Variants in CEP70 observed in about 807,000 individuals in gnomAD.
CEP70 encodes the protein centrosomal protein 70.
CEP70 carries 70 observed loss-of-function variants against 90.9 expected under a neutral mutation model. That is an observed-to-expected ratio of 0.77 (90% CI 0.64 to 0.94). The LOEUF (loss-of-function observed/expected upper bound fraction) is 0.94, where lower values mean the gene tolerates loss of function less well. Ranked by LOEUF, CEP70 falls within the 40% of genes least tolerant of loss-of-function variation. CEP70 has a pLI of 0.00. For missense variants in CEP70, 648 were observed against 669.0 expected (o/e 0.97, Z 0.35); for synonymous variants, 220 against 228.3 (o/e 0.96, Z 0.33).
At position 138,541,107 on chromosome 3, in the gene CEP70, AG is replaced by A. The variant is rs541914039; in HGVS notation, c.466-3761del. ...GGTGGAGGGTGGGAGAAGGAAGAGAAGGAGAAAAGATAACTATTGGGTACTG... is the reference window on the plus strand; with the variant it reads ...GGTGGAGGGTGGGAGAAGGAAGAGAAGAGAAAAGATAACTATTGGGTACTG... On this transcript the variant is annotated intron_variant, in intron 6 of 17. Coordinates refer to ENST00000264982, the MANE Select transcript of CEP70 (RefSeq NM_024491.4). Among the ~76,000 whole-genome samples the A allele has an allele frequency of 4.3e-3, 660 of 152,294 alleles. 6 individuals are homozygous for A. Among genetic ancestry groups the A allele is most frequent in the Middle Eastern group, 0.041 (12 of 294 alleles).
At chr3:138,566,963 G>C (rs1314622426) in intron 6 of CEP70, among the ~76,000 whole-genome samples, 1 of 151,988 alleles carries the variant, frequency 6.6e-6, no homozygotes, top group Non-Finnish European at 1.5e-5. Context: ...CCAAAAACTA[G>C]AAACTAAAAT....
intron 7 of CEP70, among the ~76,000 whole-genome samples, chr3:138,534,030 C>G (rs1041986571): frequency 2.0e-5 from 3 of 152,154 alleles, no homozygotes; most frequent in Admixed American, 6.5e-5. Flanking sequence ...GTGATCCGCC[C>G]GCCTCGGCCT....
At chr3:138,554,012 C>A (rs1022684671) in intron 6 of CEP70, among the ~76,000 whole-genome samples, 1 of 151,918 alleles carries the variant, frequency 6.6e-6, no homozygotes, top group Non-Finnish European at 1.5e-5. Context: ...GCCTGGCCAA[C>A]ATGGTGAATG....
At chr3:138,529,057 T>G (rs1301914800) in intron 10 of CEP70, 142 bp downstream of exon 10, 1 of 575,214 alleles carries the variant, frequency 1.7e-6, no homozygotes, top group Non-Finnish European at 3.1e-6. Flanking sequence ...CCCCAGCTAC[T>G]TAAGAGGCTG....
At chr3:138,515,727 ATC>A (rs1483941384) in intron 11 of CEP70, among the ~76,000 whole-genome samples, 4 of 152,182 alleles carry the variant, frequency 2.6e-5, no homozygotes, top group African/African-American at 9.7e-5. Flanking sequence ...AAGACTATCT[ATC>A]TCTACGTATG....
rs1307654960 is a variant in CEP70 at position 138,534,421 on chromosome 3, C to T, written c.636-1851G>A. ...CTGCACAAATCCTCTTGACCTACTT[C>T]CCCCTTATGCTATGATTCTATTTCT... is the stretch of plus-strand genomic sequence containing the variant. On this transcript the variant is annotated intron_variant, in intron 7 of 17. Transcript: ENST00000264982. 2.6e-5 allele frequency among the ~76,000 whole-genome samples: 4 copies of T among 152,194 alleles called. No homozygotes were observed. The East Asian group carries it at 7.7e-4, about 29-fold the overall frequency.
chr3:138,568,993 A>C (rs1281224313), intron 6 of CEP70, among the ~76,000 whole-genome samples: 3 of 148,400 alleles, frequency 2.0e-5, no homozygotes, highest in African/African-American at 7.6e-5. Flanking sequence ...AAAAAAACAA[A>C]CAAAAAAAAA....
chr3:138,508,691 G>A, intron 11 of CEP70, 147 bp from the exon 12 acceptor site: 1 of 605,810 alleles, frequency 1.7e-6, no homozygotes, highest in Non-Finnish European at 3.0e-6. Flanking sequence ...GTATGTATGT[G>A]TATGTATAAA....
At chr3:138,524,173 T>C (rs912880542) in intron 11 of CEP70, among the ~76,000 whole-genome samples, 2 of 151,418 alleles carry the variant, frequency 1.3e-5, no homozygotes, top group African/African-American at 2.4e-5. Flanking sequence ...GCTAGCCATA[T>C]GTAGAAAGCT....
intron 17 of CEP70, 97 bp downstream of exon 17, chr3:138,497,934 G>T: frequency 6.5e-7 from 1 of 1,541,314 alleles, no homozygotes. Flanking sequence ...CCAACCACTA[G>T]GTAAAAATAC....
At chr3:138,498,883 C>T (rs1205165989) in intron 16 of CEP70, among the ~76,000 whole-genome samples, 1 of 151,430 alleles carries the variant, frequency 6.6e-6, no homozygotes, top group African/African-American at 2.4e-5. Flanking sequence ...CCCACGTCTA[C>T]TAAAGTACAA....
At chr3:138,517,886 T>A (rs2036198093) in intron 11 of CEP70, among the ~76,000 whole-genome samples, 1 of 152,180 alleles carries the variant, frequency 6.6e-6, no homozygotes, top group African/African-American at 2.4e-5. Context: ...GGGCAAGGCA[T>A]CGCCTCACCC....
intron 8 of CEP70, chr3:138,530,498 G>T: frequency 1.5e-6 from 1 of 648,976 alleles, no homozygotes; most frequent in Non-Finnish European, 1.9e-6. Context: ...CATATAGTCT[G>T]ATGATAAAAA....
At chr3:138,521,286 G>A (rs955037393) in intron 11 of CEP70, among the ~76,000 whole-genome samples, 2 of 151,748 alleles carry the variant, frequency 1.3e-5, no homozygotes, top group Non-Finnish European at 2.9e-5. Flanking sequence ...GGGATGTGAG[G>A]AGCCCCTCTG....
At chr3:138,583,438 C>T (rs1021245468) in intron 2 of CEP70, among the ~76,000 whole-genome samples, 11 of 152,160 alleles carry the variant, frequency 7.2e-5, no homozygotes, top group African/African-American at 2.7e-4. Flanking sequence ...ACTTAATCTG[C>T]ACTATAGAAC....
intron 11 of CEP70, among the ~76,000 whole-genome samples, chr3:138,520,777 G>C (rs116694087): frequency 1.3e-5 from 2 of 152,046 alleles, no homozygotes; most frequent in East Asian, 1.9e-4. Flanking sequence ...AAAAGAACTA[G>C]AGCTCCCTCT....
At chr3:138,544,539 G>A (rs191410563) in intron 6 of CEP70, among the ~76,000 whole-genome samples, 1 of 150,078 alleles carries the variant, frequency 6.7e-6, no homozygotes, top group Admixed American at 6.6e-5. Context: ...ATGTATGTAT[G>A]TGTGTGTGTG....
At chr3:138,541,430 G>GAAAAAGA (rs1208638034) in intron 6 of CEP70, among the ~76,000 whole-genome samples, 26 of 144,474 alleles carry the variant, frequency 1.8e-4, no homozygotes, top group Middle Eastern at 3.2e-3. Flanking sequence ...AAAAGAAAAA[G>GAAAAAGA]AAAAAAAAAA....
At chr3:138,585,157 C>A (rs2042049811) in intron 2 of CEP70, among the ~76,000 whole-genome samples, 1 of 152,112 alleles carries the variant, frequency 6.6e-6, no homozygotes, top group South Asian at 2.1e-4. Context: ...GAAGACTCCA[C>A]CAAAAAGCTA....
Sources: allele counts gnomAD v4.1 joint callset (sites outside exome capture counted in the v4.1 genomes callset), GRCh38; gene constraint gnomAD v4.1.1; transcripts MANE v1.5; gene names NCBI Gene and HGNC (gene_info 2026-07-23, HGNC 2026-07-21).